The following ARFGEF2 variants were observed in gnomAD, a reference collection of about 807,000 sequenced individuals.
The protein encoded by ARFGEF2 is ARF guanine nucleotide exchange factor 2, also known as brefeldin A-inhibited guanine nucleotide-exchange protein 2.
ARFGEF2 carries 74 observed loss-of-function variants against 219.9 expected under a neutral mutation model. That is an observed-to-expected ratio of 0.34 (90% CI 0.28 to 0.41). The LOEUF (loss-of-function observed/expected upper bound fraction) is 0.41. ARFGEF2 is among the 10% of genes least tolerant of loss of function. ARFGEF2 has a pLI of 1.00. For missense variants in ARFGEF2, 1,743 were observed against 2,218.3 expected (o/e 0.79, Z 4.30); for synonymous variants, 733 against 799.2 (o/e 0.92, Z 1.40).
chr20:49,007,759 A>G (rs1388553760), intron 26 of ARFGEF2, among the ~76,000 whole-genome samples: 1 of 152,038 alleles, frequency 6.6e-6, no homozygotes, highest in African/African-American at 2.4e-5. Flanking sequence ...AAGAGAACCA[A>G]AATTAAACCC....
In ARFGEF2 at chr20:48,933,979, G is replaced by A. The variant is rs559855187; in HGVS notation, c.122-7220G>A. 3.3e-5 allele frequency among the ~76,000 whole-genome samples: 5 copies of A among 152,096 alleles called. No individual in the cohort carries two copies. In the South Asian group the frequency reaches 1.0e-3, roughly 32 times the overall value. On this transcript the variant is annotated intron_variant, in intron 1 of 38. Transcript: ENST00000371917. ...TACTAAAAATATAAAAATTAACCGG[G>A]CATGGTGGCACGTGCCTGTAGTCCC... is the stretch of plus-strand genomic sequence containing the variant.
intron 3 of ARFGEF2, among the ~76,000 whole-genome samples, chr20:48,943,804 A>G (rs1054296763): frequency 3.9e-5 from 6 of 152,220 alleles, no homozygotes; most frequent in African/African-American, 9.7e-5. Context: ...AAAATTTAAA[A>G]ATATGTTGAA....
At chr20:48,968,490 C>G (rs1272388300) in intron 8 of ARFGEF2, among the ~76,000 whole-genome samples, 1 of 151,786 alleles carries the variant, frequency 6.6e-6, no homozygotes, top group African/African-American at 2.4e-5. Context: ...GCAACCTTTA[C>G]CTCCCAGGTT....
chr20:49,030,881 A>G (rs186662717), intron 37 of ARFGEF2, among the ~76,000 whole-genome samples: 1 of 152,074 alleles, frequency 6.6e-6, no homozygotes, highest in Non-Finnish European at 1.5e-5. Context: ...AATCCCAGCT[A>G]CTCGGGAGGC....
intron 6 of ARFGEF2, among the ~76,000 whole-genome samples, chr20:48,962,250 T>A (rs751673480): frequency 3.9e-5 from 6 of 152,216 alleles, no homozygotes; most frequent in African/African-American, 7.2e-5. Context: ...TATTATGTAC[T>A]ATACAGAACT....
rs781418626 is a variant in ARFGEF2, at chr20:49,017,482, A to AT, written c.4455-7dup. ...TTCACATTGATTATTTTTTTTCTCT[A>AT]TTTTTTTCTTCAGTTTGCTGACATG... On this transcript the variant is annotated splice_polypyrimidine_tract_variant and intron_variant, in intron 32 of 38. Transcript: ENST00000371917. 3.1e-6 allele frequency: 5 copies of AT among 1,612,766 alleles called. No homozygotes were observed. In the South Asian group the frequency reaches 4.4e-5, roughly 14 times the overall value.
intron 23 of ARFGEF2, among the ~76,000 whole-genome samples, chr20:48,997,303 C>T (rs1324049681): frequency 2.1e-5 from 3 of 145,900 alleles, no homozygotes; most frequent in Non-Finnish European, 4.6e-5. Context: ...GAGACAGTCT[C>T]GCTCTATCAC....
At chr20:49,013,451 T>A in intron 28 of ARFGEF2, 113 bp from the exon 29 acceptor site, 1 of 1,353,132 alleles carries the variant, frequency 7.4e-7, no homozygotes, top group Non-Finnish European at 1.1e-6. Flanking sequence ...CCTTGCTGAA[T>A]GGAGATTTTT....
Position 48,998,388 on chromosome 20 carries a change from C to T in ARFGEF2, c.3315C>T (p.Pro1105=), listed in dbSNP as rs2123482189. 2 of 1,614,112 alleles carry T rather than the reference C, an allele frequency of 1.2e-6. No individual in the cohort carries two copies. The highest frequency in any genetic ancestry group is 1.1e-5 in the South Asian group (1 of 91,082). The part of the protein sequence containing the change: ...CAVSMDELAS[P]HHPRMFSLQK... ...TGTCCATGGATGAACTGGCTTCCCCCCACCATCCTCGCATGTTCAGCTTGC... is the reference window on the plus strand; with the variant it reads ...TGTCCATGGATGAACTGGCTTCCCCTCACCATCCTCGCATGTTCAGCTTGC... The change falls in exon 25 of 39, where the codon CCC becomes CCT. Residue 1105 remains proline (P), a synonymous_variant. Coordinates refer to ENST00000371917, the MANE Select transcript of ARFGEF2 (RefSeq NM_006420.3).
intron 1 of ARFGEF2, among the ~76,000 whole-genome samples, chr20:48,922,478 G>A (rs986278005): frequency 1.7e-4 from 26 of 152,172 alleles, no homozygotes; most frequent in Admixed American, 1.4e-3. Flanking sequence ...CTTTGGTTTG[G>A]GGATCTCCCA....
intron 1 of ARFGEF2, among the ~76,000 whole-genome samples, chr20:48,924,981 CTG>C (rs2123259892): frequency 6.6e-6 from 1 of 152,340 alleles, no homozygotes; most frequent in African/African-American, 2.4e-5. Context: ...ACCACAGCAG[CTG>C]TAATTACTCT....
At chr20:49,031,598 C>A (rs2091634935) in intron 37 of ARFGEF2, among the ~76,000 whole-genome samples, 1 of 152,012 alleles carries the variant, frequency 6.6e-6, no homozygotes, top group East Asian at 1.9e-4. Context: ...GATAGCACAG[C>A]CAGAGTGGGT....
At chr20:48,984,247 T>A (rs2091313339) in intron 14 of ARFGEF2, among the ~76,000 whole-genome samples, 1 of 152,162 alleles carries the variant, frequency 6.6e-6, no homozygotes, top group Admixed American at 6.5e-5. Flanking sequence ...AGATGACTGC[T>A]GGAGTACCAG....
In ARFGEF2 at chr20:48,921,979, C is replaced by A; in HGVS notation, c.90C>A (p.Ser30=). The change falls in exon 1 of 39, where the codon TCC becomes TCA. Residue 30 remains serine, a synonymous_variant. Coordinates refer to ENST00000371917, the MANE Select transcript of ARFGEF2 (RefSeq NM_006420.3). ...AGGAGGTGAAGCGGCCCCAGCACTCCCAGCTGCGCAGGGCCTGCCAGGTGG... is the reference window on the plus strand; with the variant it reads ...AGGAGGTGAAGCGGCCCCAGCACTCACAGCTGCGCAGGGCCTGCCAGGTGG... ...ADKEVKRPQH[S]QLRRACQVAL... is the part of the protein sequence containing the mutation. The A allele has an allele frequency of 6.3e-7, 1 of 1,579,144 alleles. No homozygotes were observed. The highest frequency in any genetic ancestry group is 1.2e-5 in the South Asian group (1 of 86,214).
At chr20:48,971,478 G>A in intron 10 of ARFGEF2, 124 bp downstream of exon 10, 4 of 905,644 alleles carry the variant, frequency 4.4e-6, no homozygotes, top group African/African-American at 1.7e-5. Flanking sequence ...TCATGAAAAT[G>A]TTTCATATCT....
chr20:48,990,759 T>G (rs2091352979), intron 20 of ARFGEF2, among the ~76,000 whole-genome samples: 1 of 152,206 alleles, frequency 6.6e-6, no homozygotes, highest in Admixed American at 6.5e-5. Flanking sequence ...AGTCTTAGTA[T>G]TCAACAGACA....
intron 1 of ARFGEF2, among the ~76,000 whole-genome samples, chr20:48,925,567 G>A (rs2090871515): frequency 6.6e-6 from 1 of 152,174 alleles, no homozygotes; most frequent in Non-Finnish European, 1.5e-5. Context: ...TGGGCACTGT[G>A]GTTCATGCCT....
At chr20:49,007,464 T>G (rs2091469180) in intron 26 of ARFGEF2, among the ~76,000 whole-genome samples, 1 of 152,112 alleles carries the variant, frequency 6.6e-6, no homozygotes, top group Non-Finnish European at 1.5e-5. Context: ...TAATTTTGTA[T>G]TTTTGGTAGA....
At chr20:48,977,084 C>T (rs1431238643) in intron 14 of ARFGEF2, among the ~76,000 whole-genome samples, 1 of 151,918 alleles carries the variant, frequency 6.6e-6, no homozygotes, top group Non-Finnish European at 1.5e-5. Flanking sequence ...CCCATTAACT[C>T]GTCATTTACA....
Sources: gnomAD v4.1 joint callset for allele counts (sites outside exome capture counted in the v4.1 genomes callset) on GRCh38, gnomAD v4.1.1 for gene constraint, MANE v1.5 for transcripts, NCBI Gene and HGNC (gene_info 2026-07-23, HGNC 2026-07-21) for gene names.